ARHGDIB: variants seen among roughly 807,000 people sequenced by gnomAD.
ARHGDIB encodes Rho GDP dissociation inhibitor beta, also known as rho GDP-dissociation inhibitor 2.
In ARHGDIB, 20 loss-of-function variants were observed where a neutral mutation model predicts 22.6. The ratio of observed to expected loss-of-function variants is 0.88; its 90% CI spans 0.62 to 1.28. The LOEUF (loss-of-function observed/expected upper bound fraction) is 1.28, where lower values mean the gene tolerates loss of function less well. Ranked by LOEUF, ARHGDIB falls within the 50% of genes most tolerant of loss-of-function variation. The pLI is 0.00. For synonymous variants in ARHGDIB, 114 were observed against 96.1 expected (o/e 1.19, Z -1.09); for missense variants, 254 against 245.4 (o/e 1.04, Z -0.23).
At chr12:14,944,672 AT>A (rs1565458852) in intron 5 of ARHGDIB, 103 bp downstream of exon 5, 5 of 1,111,638 alleles carry the variant, frequency 4.5e-6, no homozygotes, top group Non-Finnish European at 6.5e-6. Flanking sequence ...CACAGCTTTT[AT>A]TGTATTCTCA....
intron 2 of ARHGDIB, among the ~76,000 whole-genome samples, chr12:14,950,167 A>G (rs1292119438): frequency 6.6e-6 from 1 of 152,242 alleles, no homozygotes; most frequent in South Asian, 2.1e-4. Context: ...GGCACTGTCC[A>G]TTTATATCTC....
Position 14,950,631 on chromosome 12 carries a change from G to A in ARHGDIB, c.82C>T (p.Pro28Ser), listed in dbSNP as rs1664893438. 1 of 1,613,844 alleles carries A rather than the reference G, an allele frequency of 6.2e-7. No homozygotes were observed. The highest frequency in any genetic ancestry group is 1.7e-5 in the Admixed American group (1 of 60,000). The stretch of plus-strand genomic sequence containing the variant: ...TGCAGCTCTTTCAGGGACTTCTGTG[G>A]TGGAGGCTTATAATTGAGCTTGCTG... ...LDSKLNYKPP[P>S]QKSLKELQEM... Residue 28 changes from proline to serine, a missense_variant, in exon 2 of 6, where the codon CCA becomes TCA. Physicochemically the swap from Pro to Ser is moderately conservative, Grantham distance 74. Coordinates refer to ENST00000228945, the MANE Select transcript of ARHGDIB (RefSeq NM_001175.7).
intron 1 of ARHGDIB, among the ~76,000 whole-genome samples, chr12:14,957,151 T>C (rs116034974): frequency 0.015 from 2,234 of 152,316 alleles, 49 homozygotes; most frequent in African/African-American, 0.051. Flanking sequence ...AAAACCAGGC[T>C]CTGCATTATG....
At chr12:14,951,475 G>C (rs1015079908) in intron 1 of ARHGDIB, among the ~76,000 whole-genome samples, 5 of 152,054 alleles carry the variant, frequency 3.3e-5, no homozygotes, top group African/African-American at 1.2e-4. Flanking sequence ...CTTTTTAAAT[G>C]CCACAAAAAT....
intron 5 of ARHGDIB, 86 bp downstream of exon 5, chr12:14,944,690 T>G: frequency 7.7e-7 from 1 of 1,305,582 alleles, no homozygotes; most frequent in Non-Finnish European, 1.1e-6. Context: ...CTCATCTGAG[T>G]CTATAGCTAA....
intron 1 of ARHGDIB, among the ~76,000 whole-genome samples, chr12:14,960,607 G>T (rs1864390507): frequency 6.6e-6 from 1 of 152,160 alleles, no homozygotes; most frequent in Non-Finnish European, 1.5e-5. Context: ...GGGTTCAAGT[G>T]ATTCTCCTGC....
At chr12:14,946,091 T>A (rs1348822511) in intron 4 of ARHGDIB, among the ~76,000 whole-genome samples, 2 of 152,242 alleles carry the variant, frequency 1.3e-5, no homozygotes, top group African/African-American at 4.8e-5. Context: ...CCATTTAATA[T>A]AAATACATTT....
At chr12:14,960,327 T>A (rs1864385211) in intron 1 of ARHGDIB, among the ~76,000 whole-genome samples, 1 of 152,186 alleles carries the variant, frequency 6.6e-6, no homozygotes, top group Non-Finnish European at 1.5e-5. Flanking sequence ...AGGTCATACC[T>A]AAAGCACTTC....
intron 5 of ARHGDIB, among the ~76,000 whole-genome samples, chr12:14,943,401 G>GT (rs1322849267): frequency 0.016 from 1,086 of 68,886 alleles, 20 homozygotes; most frequent in African/African-American, 0.042. Context: ...TGTTGTTGTT[G>GT]TTGTTTTTTT....
intron 3 of ARHGDIB, 89 bp downstream of exon 3, chr12:14,949,713 G>A (rs2120715477): frequency 1.7e-6 from 2 of 1,181,696 alleles, no homozygotes; most frequent in East Asian, 4.8e-5. Context: ...TGATTCACCA[G>A]TTTTCTTCTG....
chr12:14,947,804 C>G, intron 4 of ARHGDIB, 69 bp downstream of exon 4: 1 of 1,308,762 alleles, frequency 7.6e-7, no homozygotes, highest in Non-Finnish European at 1.1e-6. Flanking sequence ...CATGATCATG[C>G]AAGAAATGTA....
intron 5 of ARHGDIB, 110 bp from the exon 6 acceptor site, chr12:14,942,831 G>T: frequency 1.1e-6 from 1 of 932,382 alleles, no homozygotes; most frequent in Non-Finnish European, 1.6e-6. Context: ...CAAGAGCAAT[G>T]GTTTCCAAGC....
At chr12:14,943,401 G>GTT (rs1322849267) in intron 5 of ARHGDIB, among the ~76,000 whole-genome samples, 5 of 68,876 alleles carry the variant, frequency 7.3e-5, no homozygotes, top group African/African-American at 2.0e-4. Flanking sequence ...TGTTGTTGTT[G>GTT]TTGTTTTTTT....
At position 14,949,855 on chromosome 12, in the gene ARHGDIB, C is replaced by T. The variant is rs142173789; in HGVS notation, c.212G>A (p.Arg71Gln). 9 of 1,613,316 alleles carry T rather than the reference C, an allele frequency of 5.6e-6. No homozygotes were observed. Among genetic ancestry groups the T allele is most frequent in the African/African-American group, 2.7e-5 (2 of 74,812 alleles). Residue 71 changes from arginine to glutamine, a missense_variant, in exon 3 of 6, where the codon CGG (arginine) becomes CAG (glutamine). Physicochemically the swap from Arg to Gln is conservative, Grantham distance 43 (BLOSUM62 1). Transcript: ENST00000228945. ...DPKAPNVVVT[R>Q]LTLVCESAPG... ...GGCACTCTCACAAACCAGGGTGAGC[C>T]GGGTGACAACGACATTGGGGGCTTT...
chr12:14,954,346 A>AACACCT (rs924560143), intron 1 of ARHGDIB, among the ~76,000 whole-genome samples: 2 of 152,198 alleles, frequency 1.3e-5, no homozygotes, highest in Admixed American at 1.3e-4. Context: ...CCACCTGCTC[A>AACACCT]AAGTGTTGAA....
In ARHGDIB at chr12:14,942,672, C is replaced by T; in HGVS notation, c.456G>A (p.Glu152=). The change falls in exon 6 of 6, where the codon GAG becomes GAA. Residue 152 remains glutamate (E), a synonymous_variant. Transcript: ENST00000228945. ...CCTCAACTGGAGTGAGGAACTCATA[C>T]TCCTCAGGCCGAGGTCCATAGCTGC... The part of the protein sequence containing the change: ...MVGSYGPRPE[E]YEFLTPVEEA... 6.2e-7 allele frequency: 1 copy of T among 1,614,166 alleles called. No homozygotes were observed. Among genetic ancestry groups the T allele is most frequent in the South Asian group, 1.1e-5 (1 of 91,084 alleles).
intron 1 of ARHGDIB, among the ~76,000 whole-genome samples, chr12:14,953,533 T>C (rs1864228637): frequency 6.6e-6 from 1 of 152,188 alleles, no homozygotes; most frequent in South Asian, 2.1e-4. Context: ...AATCTAACTA[T>C]ACCAAAAGGG....
rs1405561678 is a variant in ARHGDIB, at chr12:14,942,643, G to A, written c.485C>T (p.Ala162Val). 6.2e-7 allele frequency: 1 copy of A among 1,614,006 alleles called. No homozygotes were observed. The highest frequency in any genetic ancestry group is 8.5e-7 in the Non-Finnish European group (1 of 1,180,000). ...GCCTCGCGCCAGCATGCCCTTGGGAGCCTCCTCAACTGGAGTGAGGAACTC... is the reference window on the plus strand; with the variant it reads ...GCCTCGCGCCAGCATGCCCTTGGGAACCTCCTCAACTGGAGTGAGGAACTC... Reference protein sequence around the residue: ...EYEFLTPVEEAPKGMLARGTY... With the variant: ...EYEFLTPVEEVPKGMLARGTY... Residue 162 changes from alanine to valine, a missense_variant, in exon 6 of 6, where the codon GCT becomes GTT. Coordinates refer to ENST00000228945, the MANE Select transcript of ARHGDIB (RefSeq NM_001175.7).
chr12:14,943,373 G>A (rs1863922042), intron 5 of ARHGDIB, among the ~76,000 whole-genome samples: 1 of 143,760 alleles, frequency 7.0e-6, no homozygotes, highest in African/African-American at 2.7e-5. Flanking sequence ...TGGGGATTAA[G>A]CCTGTTTTTT....
Sources: allele counts gnomAD v4.1 joint callset (sites outside exome capture counted in the v4.1 genomes callset), GRCh38; gene constraint gnomAD v4.1.1; transcripts MANE v1.5; gene names NCBI Gene and HGNC (gene_info 2026-07-23, HGNC 2026-07-21).